The following SYNJ2 variants were observed in gnomAD, a reference collection of about 807,000 sequenced individuals.
SYNJ2 encodes the protein polyphosphatidylinositol phosphatase SYNJ2.
SYNJ2 carries 116 observed loss-of-function variants against 141.3 expected under a neutral mutation model. That is an observed-to-expected ratio of 0.82 (90% CI 0.71 to 0.96). SYNJ2 has a LOEUF of 0.96. Ranked by LOEUF, SYNJ2 falls within the 40% of genes least tolerant of loss-of-function variation. SYNJ2 has a pLI of 0.00. For synonymous variants in SYNJ2, 745 were observed against 777.7 expected (o/e 0.96, Z 0.70); for missense variants, 1,873 against 1,934.8 (o/e 0.97, Z 0.60).
rs1366764529 is a variant in SYNJ2, at chr6:158,071,621, G to A, written c.1960G>A (p.Val654Met). ...PFIRDVAIDT[V>M]KTGMGGKAGN... ...TTCCAGGGACGTAGCCATCGACACA[G>A]TGAAGACGGGCATGGGGGGCAAGGC... The change falls in exon 15 of 27, where the codon GTG becomes ATG. Residue 654 changes from valine (V) to methionine (M), a missense_variant. By Grantham distance (21) the Val-to-Met change is conservative. Coordinates refer to ENST00000355585, the MANE Select transcript of SYNJ2 (RefSeq NM_003898.4). The surrounding 1 kb of genome is among the most constrained non-coding windows in gnomAD (Gnocchi z 4.3). 1 of 1,613,946 alleles carries A rather than the reference G, an allele frequency of 6.2e-7. No homozygotes were observed. The highest frequency in any genetic ancestry group is 8.5e-7 in the Non-Finnish European group (1 of 1,180,026).
At chr6:157,999,332 A>T (rs918540638) in intron 1 of SYNJ2, among the ~76,000 whole-genome samples, 7 of 152,238 alleles carry the variant, frequency 4.6e-5, no homozygotes, top group African/African-American at 1.7e-4. Flanking sequence ...CCCAGGTGGC[A>T]GGCAGCGCAC....
intron 1 of SYNJ2, among the ~76,000 whole-genome samples, chr6:157,999,372 A>C (rs1218054764): frequency 6.6e-6 from 1 of 152,216 alleles, no homozygotes; most frequent in East Asian, 1.9e-4. Flanking sequence ...TCCTGGCTTC[A>C]TGGCCATGCC....
At chr6:158,060,487 T>C (rs996228332) in intron 7 of SYNJ2, among the ~76,000 whole-genome samples, 3 of 152,228 alleles carry the variant, frequency 2.0e-5, no homozygotes, top group African/African-American at 7.2e-5. Context: ...CAGAGAGAGC[T>C]CGAAGTCGCC....
At chr6:158,009,746 GC>G (rs1778196773) in intron 1 of SYNJ2, among the ~76,000 whole-genome samples, 1 of 152,222 alleles carries the variant, frequency 6.6e-6, no homozygotes, top group South Asian at 2.1e-4. Flanking sequence ...TGTGCTTCCA[GC>G]CCACGCAGTG....
chr6:157,983,941 C>G (rs1471276354), intron 1 of SYNJ2, among the ~76,000 whole-genome samples: 2 of 152,158 alleles, frequency 1.3e-5, no homozygotes, highest in Admixed American at 1.3e-4. Context: ...GATCCTCCTG[C>G]CTCAGCCTCC....
At chr6:157,989,908 T>TGG (rs71542910) in intron 1 of SYNJ2, among the ~76,000 whole-genome samples, 7,406 of 151,668 alleles carry the variant, frequency 0.049, 276 homozygotes, top group East Asian at 0.11. Flanking sequence ...TGGGCTTTTC[T>TGG]GGGGGGGGCT....
Position 158,000,721 on chromosome 6 carries a change from G to T in SYNJ2, c.128-16483G>T, listed in dbSNP as rs75692925. 4.1e-4 allele frequency among the ~76,000 whole-genome samples: 62 copies of T among 151,424 alleles called. No homozygotes were observed. In the East Asian group the frequency reaches 0.012, roughly 29 times the overall value. On this transcript the variant is annotated intron_variant, in intron 1 of 26. Coordinates refer to ENST00000355585, the MANE Select transcript of SYNJ2 (RefSeq NM_003898.4). ...AACCCCCGCCACCCCTGACCTACCC[G>T]CACCGCACTGTGGTCGGCCTCTTCT...
chr6:158,026,524 C>G (rs1248650525), intron 2 of SYNJ2, among the ~76,000 whole-genome samples: 2 of 152,156 alleles, frequency 1.3e-5, no homozygotes, highest in Non-Finnish European at 2.9e-5. Flanking sequence ...ACCCCCTCCT[C>G]CCTGGACCCA....
intron 1 of SYNJ2, among the ~76,000 whole-genome samples, chr6:157,992,354 A>G (rs1379962702): frequency 1.3e-5 from 2 of 151,108 alleles, no homozygotes; most frequent in Non-Finnish European, 2.9e-5. Flanking sequence ...AGATCCCACA[A>G]ATAAGTGAGA....
At chr6:157,991,733 C>T (rs1483277320) in intron 1 of SYNJ2, among the ~76,000 whole-genome samples, 2 of 152,194 alleles carry the variant, frequency 1.3e-5, no homozygotes, top group Non-Finnish European at 2.9e-5. Flanking sequence ...AAGGCAAAAT[C>T]GAAGATGGCT....
At chr6:158,093,302 G>A (rs1783586192) in intron 26 of SYNJ2, among the ~76,000 whole-genome samples, 198 bp downstream of exon 26, 1 of 151,956 alleles carries the variant, frequency 6.6e-6, no homozygotes, top group Non-Finnish European at 1.5e-5. Context: ...CGGGCGTGGT[G>A]GCGCACGCCT....
At chr6:158,087,859 C>T (rs1490844759) in intron 23 of SYNJ2, among the ~76,000 whole-genome samples, 28 of 144,984 alleles carry the variant, frequency 1.9e-4, no homozygotes, top group Admixed American at 2.1e-4. Flanking sequence ...TTTCATGTAT[C>T]TGCAGCAACA....
intron 26 of SYNJ2, chr6:158,093,886 A>G (rs1486058039): frequency 2.6e-6 from 2 of 764,840 alleles, no homozygotes; most frequent in Non-Finnish European, 2.4e-6. Flanking sequence ...CTTTTCTTGC[A>G]GATTGTTTTT....
intron 4 of SYNJ2, among the ~76,000 whole-genome samples, chr6:158,039,962 C>T (rs1779853130): frequency 6.6e-6 from 1 of 152,120 alleles, no homozygotes; most frequent in Non-Finnish European, 1.5e-5. Flanking sequence ...GTGCGGTCAT[C>T]GTCTGGCAAA....
chr6:157,999,975 G>A (rs991250666), intron 1 of SYNJ2, among the ~76,000 whole-genome samples: 1 of 149,900 alleles, frequency 6.7e-6, no homozygotes. Context: ...ACAGCTTATG[G>A]TCCAGGAGTG....
At chr6:157,991,537 C>T (rs949455586) in intron 1 of SYNJ2, among the ~76,000 whole-genome samples, 3 of 152,150 alleles carry the variant, frequency 2.0e-5, no homozygotes, top group Admixed American at 6.5e-5. Flanking sequence ...TTAATTGCTC[C>T]GGGCCCCAAT....
At chr6:157,996,819 C>G (rs1437956409) in intron 1 of SYNJ2, among the ~76,000 whole-genome samples, 1 of 152,216 alleles carries the variant, frequency 6.6e-6, no homozygotes, top group African/African-American at 2.4e-5. Context: ...TCCCACTTTG[C>G]CTTCCACCAT....
intron 4 of SYNJ2, among the ~76,000 whole-genome samples, chr6:158,036,994 T>G (rs554723242): frequency 1.1e-4 from 17 of 152,338 alleles, no homozygotes; most frequent in African/African-American, 3.8e-4. Context: ...CTATTGCATC[T>G]CATCGAGTAA....
At chr6:158,069,413 T>C (rs1477371124) in intron 13 of SYNJ2, 120 bp from the exon 14 acceptor site, 5 of 1,243,604 alleles carry the variant, frequency 4.0e-6, no homozygotes, top group Non-Finnish European at 5.5e-6. Context: ...AATATTGGGG[T>C]GCGGGCAGCG....
Sources: gnomAD v4.1 joint callset for allele counts (sites outside exome capture counted in the v4.1 genomes callset) on GRCh38, gnomAD v4.1.1 for gene constraint, Gnocchi (gnomAD v3.1) non-coding constraint, MANE v1.5 for transcripts, NCBI Gene and HGNC (gene_info 2026-07-23, HGNC 2026-07-21) for gene names.